TAS2R1: variants seen among roughly 807,000 people sequenced by gnomAD.
TAS2R1 encodes taste receptor type 2 member 1.
For missense variants in TAS2R1, 370 were observed against 353.4 expected, an observed-to-expected ratio of 1.05 and a Z score of -0.38; for synonymous variants, 141 against 134.2, an observed-to-expected ratio of 1.05 and a Z score of -0.35.
At chr5:9,902,718 T>C in the TAS2R1 span, 1 of 151,978 alleles carries the variant, frequency 6.6e-6, no homozygotes, top group Non-Finnish European at 1.5e-5. Context: ...ATCTGAACCG[T>C]AATTGACAGT....
At chr5:9,812,974 T>C in the TAS2R1 span, among the ~76,000 whole-genome samples, 23 of 152,326 alleles carry the variant, frequency 1.5e-4, no homozygotes, top group East Asian at 2.1e-3. Context: ...GACACTGTTG[T>C]GAGTTGAACT....
chr5:9,783,609 C>T, the TAS2R1 span, among the ~76,000 whole-genome samples: 1 of 152,178 alleles, frequency 6.6e-6, no homozygotes, highest in African/African-American at 2.4e-5. Flanking sequence ...AATTTTCATA[C>T]TGATTTCCTT....
chr5:9,867,053 T>A, the TAS2R1 span: 1 of 152,220 alleles, frequency 6.6e-6, no homozygotes, highest in Non-Finnish European at 1.5e-5. Context: ...TTTATAATAA[T>A]GACATTCACC....
At chr5:9,796,643 T>G in the TAS2R1 span, among the ~76,000 whole-genome samples, 1 of 138,340 alleles carries the variant, frequency 7.2e-6, no homozygotes, top group Non-Finnish European at 1.5e-5. Flanking sequence ...AACAAAAGAG[T>G]GGCCTGAAAG....
the TAS2R1 span, among the ~76,000 whole-genome samples, chr5:9,863,568 C>G: frequency 6.6e-6 from 1 of 152,270 alleles, no homozygotes; most frequent in Admixed American, 6.5e-5. Context: ...CCTAGCCAGG[C>G]CCAAAGATTA....
chr5:9,853,994 G>C, the TAS2R1 span, among the ~76,000 whole-genome samples: 11 of 152,202 alleles, frequency 7.2e-5, no homozygotes, highest in Admixed American at 1.3e-4. Context: ...TGCTAGAGCT[G>C]CTGTGGTAAA....
chr5:9,859,059 T>G, the TAS2R1 span, among the ~76,000 whole-genome samples: 11 of 152,270 alleles, frequency 7.2e-5, no homozygotes, highest in Admixed American at 4.6e-4. Context: ...AATGATAGGT[T>G]TCCCTTAAAC....
the TAS2R1 span, among the ~76,000 whole-genome samples, chr5:9,796,118 T>C: frequency 6.6e-6 from 1 of 152,230 alleles, no homozygotes; most frequent in African/African-American, 2.4e-5. Context: ...GAGTCACTGA[T>C]GTGGCATGTC....
the TAS2R1 span, among the ~76,000 whole-genome samples, chr5:9,829,434 G>T: frequency 2.6e-5 from 4 of 152,114 alleles, no homozygotes; most frequent in Non-Finnish European, 5.9e-5. Flanking sequence ...AACATCTCAG[G>T]ATGCTGAGAA....
intron 1 of TAS2R1, among the ~76,000 whole-genome samples, chr5:9,705,334 A>C (rs1741579304): frequency 6.6e-6 from 1 of 152,242 alleles, no homozygotes; most frequent in Non-Finnish European, 1.5e-5. Context: ...CTCCTTTGTC[A>C]TCTTTAAGTT....
chr5:9,677,506 C>CA (rs1325744141), intron 1 of TAS2R1, among the ~76,000 whole-genome samples: 1 of 150,960 alleles, frequency 6.6e-6, no homozygotes, highest in Non-Finnish European at 1.5e-5. Flanking sequence ...TTCAAATGTA[C>CA]AAAAAACTGA....
At chr5:9,725,478 G>T in the TAS2R1 span, among the ~76,000 whole-genome samples, 1 of 152,208 alleles carries the variant, frequency 6.6e-6, no homozygotes, top group South Asian at 2.1e-4. Context: ...AGCTGTGAAG[G>T]GTGTACTGGG....
intron 1 of TAS2R1, among the ~76,000 whole-genome samples, chr5:9,691,595 T>C (rs1741250517): frequency 6.6e-6 from 1 of 152,190 alleles, no homozygotes; most frequent in South Asian, 2.1e-4. Flanking sequence ...AAGGTGATTA[T>C]AAAAAGGGGA....
upstream of TAS2R1, among the ~76,000 whole-genome samples, chr5:9,716,164 A>G (rs771306185): frequency 6.6e-6 from 1 of 152,136 alleles, no homozygotes; most frequent in Non-Finnish European, 1.5e-5. Flanking sequence ...AGAAACTTCA[A>G]CCAGCCTGGT....
At chr5:9,707,315 G>A (rs1741637085) in intron 1 of TAS2R1, among the ~76,000 whole-genome samples, 1 of 152,144 alleles carries the variant, frequency 6.6e-6, no homozygotes, top group African/African-American at 2.4e-5. Context: ...AGGATGACAT[G>A]GCAGACCCTC....
chr5:9,746,077 A>G, the TAS2R1 span, among the ~76,000 whole-genome samples: 1 of 152,190 alleles, frequency 6.6e-6, no homozygotes, highest in Non-Finnish European at 1.5e-5. Context: ...TCAAGAAAAA[A>G]AACCAACCCC....
At chr5:9,805,219 T>G in the TAS2R1 span, among the ~76,000 whole-genome samples, 1 of 151,932 alleles carries the variant, frequency 6.6e-6, no homozygotes, top group Admixed American at 6.6e-5. Context: ...CTGAACAGAC[T>G]AATAACAAGC....
chr5:9,900,590 T>C, the TAS2R1 span, among the ~76,000 whole-genome samples: 1 of 151,488 alleles, frequency 6.6e-6, no homozygotes, highest in South Asian at 2.1e-4. Context: ...GATATCACTC[T>C]ATAGTCTAAG....
At chr5:9,740,622 C>T in the TAS2R1 span, among the ~76,000 whole-genome samples, 3 of 152,182 alleles carry the variant, frequency 2.0e-5, no homozygotes. Context: ...TCCAAAACCC[C>T]AGAGCAACTG....
Sources: gnomAD v4.1 joint callset for allele counts (sites outside exome capture counted in the v4.1 genomes callset) on GRCh38, gnomAD v4.1.1 for gene constraint, MANE v1.5 for transcripts, NCBI Gene and HGNC (gene_info 2026-07-23, HGNC 2026-07-21) for gene names.